The following CRAMP1 variants were observed in gnomAD, a reference collection of about 807,000 sequenced individuals.
The protein encoded by CRAMP1 is cramped chromatin regulator 1.
A neutral mutation model predicts 115.4 loss-of-function variants in CRAMP1; 50 were observed. That is an observed-to-expected ratio of 0.43 (90% confidence interval 0.35 to 0.55). The LOEUF is 0.55. CRAMP1 is among the 20% of genes least tolerant of loss of function. CRAMP1 has a pLI of 0.01. For missense variants in CRAMP1, 1,679 were observed against 1,721.7 expected, an observed-to-expected ratio of 0.98 and a Z score of 0.44; for synonymous variants, 866 against 745.4, an observed-to-expected ratio of 1.16 and a Z score of -2.64.
chr16:1,656,157 G>C lies in CRAMP1; in HGVS notation c.1400G>C (p.Gly467Ala). 6.2e-7 allele frequency: 1 copy of C among 1,607,212 alleles called. No homozygotes were observed. The highest frequency in any genetic ancestry group is 8.5e-7 in the Non-Finnish European group (1 of 1,177,656). ...ARGQVKCPRSGAEGKGVGRPP... is the reference protein window; with the variant it reads ...ARGQVKCPRSAAEGKGVGRPP... Reference sequence around the variant, plus strand: ...GGCCAGGTGAAATGCCCGCGGAGCGGAGCTGAGGGCAAGGGTGTGGGGCGG... The same window carrying C: ...GGCCAGGTGAAATGCCCGCGGAGCGCAGCTGAGGGCAAGGGTGTGGGGCGG... Residue 467 changes from glycine to alanine, a missense_variant, in exon 10 of 21, where the codon GGA (glycine) becomes GCA (alanine). This residue lies in a region of CRAMP1 where 405 missense variants were observed against 302.6 expected (regional missense o/e 1.34). Coordinates refer to ENST00000397412, the MANE Select transcript of CRAMP1 (RefSeq NM_020825.4). The surrounding 1 kb of genome is among the most constrained non-coding windows in gnomAD (Gnocchi z 5.6).
intron 8 of CRAMP1, among the ~76,000 whole-genome samples, chr16:1,654,575 A>G (rs1016160958): frequency 1.3e-4 from 20 of 152,152 alleles, no homozygotes; most frequent in African/African-American, 4.8e-4. Flanking sequence ...TTCTGTGGCC[A>G]CCGTCTCTGT....
At chr16:1,647,578 T>C (rs1596490483) in intron 6 of CRAMP1, among the ~76,000 whole-genome samples, 2 of 151,870 alleles carry the variant, frequency 1.3e-5, no homozygotes, top group Admixed American at 1.3e-4. Context: ...CCGTCTGTAT[T>C]AAAAATACAA....
At chr16:1,619,362 G>A (rs554394939) in intron 2 of CRAMP1, among the ~76,000 whole-genome samples, 1 of 152,188 alleles carries the variant, frequency 6.6e-6, no homozygotes, top group South Asian at 2.1e-4. Context: ...TTTTATTTTA[G>A]TAGAGATGGG....
At chr16:1,630,395 T>C (rs1412055322) in intron 3 of CRAMP1, among the ~76,000 whole-genome samples, 1 of 152,178 alleles carries the variant, frequency 6.6e-6, no homozygotes, top group Non-Finnish European at 1.5e-5. Context: ...CAAGCAATTC[T>C]CTCACCTCAG....
intron 8 of CRAMP1, 61 bp from the exon 9 acceptor site, chr16:1,655,158 C>T (rs558404802): frequency 1.2e-5 from 17 of 1,440,950 alleles, no homozygotes; most frequent in Non-Finnish European, 1.6e-5. Context: ...CCTCGGGACT[C>T]TTCAGATGGT....
intron 3 of CRAMP1, among the ~76,000 whole-genome samples, chr16:1,626,590 G>A (rs889008200): frequency 3.4e-4 from 51 of 151,996 alleles, no homozygotes; most frequent in African/African-American, 1.2e-3. Context: ...GAAACCTCAC[G>A]AGATGTTGCT....
intron 6 of CRAMP1, among the ~76,000 whole-genome samples, chr16:1,648,096 A>G (rs2036691912): frequency 6.6e-6 from 1 of 152,154 alleles, no homozygotes; most frequent in Admixed American, 6.5e-5. Context: ...TGAATGCAGA[A>G]GGGTGCACTT....
chr16:1,668,217 C>G (rs1391431401), intron 18 of CRAMP1, 24 bp downstream of exon 18: 1 of 1,505,784 alleles, frequency 6.6e-7, no homozygotes, highest in Non-Finnish European at 9.2e-7. Flanking sequence ...GGCCTCACAG[C>G]CCTTCCTGTC....
At chr16:1,661,902 T>C (rs1407415246) in intron 11 of CRAMP1, among the ~76,000 whole-genome samples, 1 of 152,234 alleles carries the variant, frequency 6.6e-6, no homozygotes, top group Non-Finnish European at 1.5e-5. Flanking sequence ...AAATATTTCC[T>C]GTTCTTTTAC....
intron 2 of CRAMP1, chr16:1,620,727 G>C (rs1159142406): frequency 2.2e-6 from 1 of 454,994 alleles, no homozygotes; most frequent in South Asian, 1.5e-5. Context: ...CCCAGGCTGA[G>C]GGAGGGACTT....
chr16:1,631,295 C>T (rs2036546642), intron 3 of CRAMP1, among the ~76,000 whole-genome samples: 1 of 152,242 alleles, frequency 6.6e-6, no homozygotes, highest in Non-Finnish European at 1.5e-5. Flanking sequence ...TGTCGGCTTT[C>T]TCGCCCCGTT....
At chr16:1,670,170 G>A (rs1292235781) in intron 19 of CRAMP1, among the ~76,000 whole-genome samples, 1 of 151,952 alleles carries the variant, frequency 6.6e-6, no homozygotes. Flanking sequence ...GGAGGCTGAG[G>A]TGGGAGGATT....
intron 3 of CRAMP1, among the ~76,000 whole-genome samples, chr16:1,627,348 G>A (rs1450868465): frequency 6.6e-6 from 1 of 152,160 alleles, no homozygotes; most frequent in Non-Finnish European, 1.5e-5. Flanking sequence ...GTTTCACCGT[G>A]TTGCCTGGGC....
chr16:1,657,985 C>T (rs942014389), intron 10 of CRAMP1, among the ~76,000 whole-genome samples: 2 of 152,148 alleles, frequency 1.3e-5, no homozygotes, highest in Non-Finnish European at 2.9e-5. Flanking sequence ...ACTCGGGACT[C>T]GGGCGCTCAC....
chr16:1,669,231 C>G lies in CRAMP1; in HGVS notation c.3499+66C>G, dbSNP rs1167632119. On this transcript the variant is annotated intron_variant, in intron 19 of 20. Coordinates refer to ENST00000397412, the MANE Select transcript of CRAMP1 (RefSeq NM_020825.4). The surrounding 1 kb of genome is among the most constrained non-coding windows in gnomAD (Gnocchi z 4.6). ...AGCAGGGGCTGGGGTCTGCGGGACA[C>G]TGGATTCTCATTCTACTCAAACTCC... 1 of 1,278,464 alleles carries G rather than the reference C, an allele frequency of 7.8e-7. No individual in the cohort carries two copies. Among genetic ancestry groups the G allele is most frequent in the Non-Finnish European group, 1.1e-6 (1 of 942,876 alleles). 79.2% of individuals were successfully genotyped at this position (1,278,464 alleles called of 1,614,324 possible).
chr16:1,671,783 C>A lies in CRAMP1; in HGVS notation c.3645+974C>A, dbSNP rs2036925566. On this transcript the variant is annotated intron_variant, in intron 20 of 20. Transcript: ENST00000397412. This position sits in a 1 kb window ranked among gnomAD's most constrained non-coding sequence, Gnocchi z 5.0. ...GTTTCTCACGGACACCTCCGCTACC[C>A]AGTATCCGAATGTGAATCGTGACTC... Among the ~76,000 whole-genome samples the A allele has an allele frequency of 6.6e-6, 1 of 152,226 alleles. No individual in the cohort carries two copies.
chr16:1,614,015 C>T lies in CRAMP1; in HGVS notation c.-1-624C>T, dbSNP rs570244339. 6.6e-6 allele frequency among the ~76,000 whole-genome samples: 1 copy of T among 151,842 alleles called. No homozygotes were observed. The highest frequency in any genetic ancestry group is 2.4e-5 in the African/African-American group (1 of 41,496). On this transcript the variant is annotated intron_variant, in intron 1 of 20. Coordinates refer to ENST00000397412, the MANE Select transcript of CRAMP1 (RefSeq NM_020825.4). This position sits in a 1 kb window ranked among gnomAD's most constrained non-coding sequence, Gnocchi z 4.4. ...GCAGGCGAGCCCGCGCTTCTCCCGT[C>T]CCGGGGTGGATCCGGCCTCCTCTGT...
At position 1,652,166 on chromosome 16, in the gene CRAMP1, C is replaced by T. The variant is rs2745123; in HGVS notation, c.828-330C>T. Among the ~76,000 whole-genome samples, 99 of 152,186 alleles carry T rather than the reference C, an allele frequency of 6.5e-4. 1 individual carries two copies. The highest frequency in any genetic ancestry group is 1.3e-3 in the Non-Finnish European group (88 of 68,028). The stretch of plus-strand genomic sequence containing the variant: ...GGGCAGTGGAGAGAGGGGTGGCCAT[C>T]TGAGGGGACCCCAGGATAGTGGCTT... On this transcript the variant is annotated intron_variant, in intron 6 of 20. Coordinates refer to ENST00000397412, the MANE Select transcript of CRAMP1 (RefSeq NM_020825.4).
At chr16:1,668,215 A>C (rs1272325537) in intron 18 of CRAMP1, 22 bp downstream of exon 18, 1 of 1,516,794 alleles carries the variant, frequency 6.6e-7, no homozygotes, top group African/African-American at 1.4e-5. Context: ...GCGGCCTCAC[A>C]GCCCTTCCTG....
Sources: gnomAD v4.1 joint callset for allele counts (sites outside exome capture counted in the v4.1 genomes callset) on GRCh38, gnomAD v4.1.1 for gene constraint, gnomAD v4.1.1 regional missense constraint, Gnocchi (gnomAD v3.1) non-coding constraint, MANE v1.5 for transcripts, NCBI Gene and HGNC (gene_info 2026-07-23, HGNC 2026-07-21) for gene names.